UNC13C: variants seen among roughly 807,000 people sequenced by gnomAD.
UNC13C encodes the protein unc-13 homolog C, also known as protein unc-13 homolog C.
Under a neutral mutation model 245.4 loss-of-function variants are expected in UNC13C, and 174 were observed. That is an observed-to-expected ratio of 0.71 (90% CI 0.63 to 0.80). The LOEUF (loss-of-function observed/expected upper bound fraction) is 0.80. Among genes scored for constraint, UNC13C ranks in the 30% least tolerant of loss-of-function variants. The pLI is 0.00. For missense variants in UNC13C, 2,829 were observed against 2,602.9 expected (o/e 1.09, Z -1.89); for synonymous variants, 992 against 895.1 (o/e 1.11, Z -1.93).
the UNC13C span, among the ~76,000 whole-genome samples, chr15:53,847,711 C>T: frequency 1.3e-5 from 2 of 151,826 alleles, no homozygotes; most frequent in Non-Finnish European, 2.9e-5. Flanking sequence ...GAGGATATGG[C>T]CTTTAGATAT....
At chr15:54,239,660 C>T (rs1244853952) in intron 7 of UNC13C, among the ~76,000 whole-genome samples, 1 of 152,116 alleles carries the variant, frequency 6.6e-6, no homozygotes, top group African/African-American at 2.4e-5. Context: ...CTCTGTTGCC[C>T]AGGCTGGTCT....
At chr15:54,198,548 A>C (rs2141340761) in intron 4 of UNC13C, among the ~76,000 whole-genome samples, 1 of 152,118 alleles carries the variant, frequency 6.6e-6, no homozygotes, top group Admixed American at 6.5e-5. Flanking sequence ...CTTTGCTGAC[A>C]CTCCCCAGTA....
chr15:54,014,388 T>C lies in UNC13C; in HGVS notation c.1485T>C (p.Thr495=), dbSNP rs775566020. The C allele has an allele frequency of 1.2e-6, 2 of 1,613,754 alleles. No homozygotes were observed. Among genetic ancestry groups the C allele is most frequent in the East Asian group, 4.5e-5 (2 of 44,884 alleles). Residue 495 remains threonine (T), a synonymous_variant, in exon 2 of 33, where the codon ACT becomes ACC. Coordinates refer to ENST00000260323, the MANE Select transcript of UNC13C (RefSeq NM_001080534.3). ...ACAGTGCTAGATCCAAGAATAAAAC[T>C]GCTAATAGCAGCAGAATTTCAAATA... The part of the protein sequence containing the change: ...KSHSARSKNK[T]ANSSRISNKS...
rs28703714 is a variant in UNC13C at position 54,107,125 on chromosome 15, C to T, written c.2984-35893C>T. Among the ~76,000 whole-genome samples, 1,181 of 152,206 alleles carry T rather than the reference C, an allele frequency of 7.8e-3. 13 individuals are homozygous for T. The highest frequency in any genetic ancestry group is 0.027 in the African/African-American group (1,133 of 41,526). On this transcript the variant is annotated intron_variant, in intron 2 of 32. Coordinates refer to ENST00000260323, the MANE Select transcript of UNC13C (RefSeq NM_001080534.3). ...GTTAGAAAATACATTATTACAACTC[C>T]TTAAAAGAAAATTGCGACTAATATT...
Position 54,627,017 on chromosome 15 carries a change from T to C in UNC13C, c.6549T>C (p.Thr2183=), listed in dbSNP as rs766458752. The change falls in exon 33 of 33, where the codon ACT becomes ACC. Residue 2183 remains threonine (T), a synonymous_variant. Coordinates refer to ENST00000260323, the MANE Select transcript of UNC13C (RefSeq NM_001080534.3). ...KNISMDETGL[T]ILRILSQRTS... is the part of the protein sequence containing the mutation. ...TCTCTATGGATGAAACTGGTTTGAC[T>C]ATCCTTAGAATACTCTCTCAGAGGA... 6.2e-7 allele frequency: 1 copy of C among 1,613,428 alleles called. No homozygotes were observed. The highest frequency in any genetic ancestry group is 1.1e-5 in the South Asian group (1 of 91,070).
At chr15:54,250,097 A>G (rs1318885367) in intron 7 of UNC13C, 128 bp from the exon 8 acceptor site, 1 of 825,368 alleles carries the variant, frequency 1.2e-6, no homozygotes, top group African/African-American at 1.7e-5. Context: ...CATGACTTGA[A>G]TCAGTGATCC....
intron 4 of UNC13C, among the ~76,000 whole-genome samples, chr15:54,233,140 C>T (rs2035596923): frequency 6.6e-6 from 1 of 152,154 alleles, no homozygotes; most frequent in Non-Finnish European, 1.5e-5. Flanking sequence ...CATTCTCAAA[C>T]TTTGACTCAC....
rs74922389 is a variant in UNC13C at position 54,095,319 on chromosome 15, C to G, written c.2984-47699C>G. ...AAAGGATCTCCTATTTCCCATAGATCGGGTTGTAGTGGGGTAAGCAGGACC... is the reference window on the plus strand; with the variant it reads ...AAAGGATCTCCTATTTCCCATAGATGGGGTTGTAGTGGGGTAAGCAGGACC... On this transcript the variant is annotated intron_variant, in intron 2 of 32. Transcript: ENST00000260323. Among the ~76,000 whole-genome samples, 1,452 of 152,224 alleles carry G rather than the reference C, an allele frequency of 9.5e-3. 21 individuals carry two copies. Among genetic ancestry groups the G allele is most frequent in the African/African-American group, 0.034 (1,400 of 41,538 alleles).
rs1050316539 is a variant in UNC13C, at chr15:54,511,775, T to G, written c.5402T>G (p.Ile1801Ser). 5.0e-6 allele frequency: 8 copies of G among 1,609,612 alleles called. No homozygotes were observed. Among genetic ancestry groups the G allele is most frequent in the Non-Finnish European group, 6.8e-6 (8 of 1,177,894 alleles). ...AAGCCCTGTATCTTGATGAACAATA[T>G]TCAACAATTGCGGGTCCAGCTGGAA... ...ENVPCILMNN[I>S]QQLRVQLEKM... The change falls in exon 24 of 33, where the codon ATT (isoleucine) becomes AGT (serine). Residue 1801 changes from isoleucine to serine, a missense_variant. Ile to Ser is a moderately radical substitution (Grantham distance 142). Transcript: ENST00000260323.
intron 30 of UNC13C, among the ~76,000 whole-genome samples, chr15:54,570,382 G>T (rs1003143302): frequency 6.6e-6 from 1 of 152,086 alleles, no homozygotes; most frequent in African/African-American, 2.4e-5. Flanking sequence ...ATTGTTGGTG[G>T]TAATGGAGAC....
At chr15:54,246,719 T>C (rs1376725567) in intron 7 of UNC13C, among the ~76,000 whole-genome samples, 1 of 132,368 alleles carries the variant, frequency 7.6e-6, no homozygotes, top group Non-Finnish European at 1.5e-5. Flanking sequence ...CATGGACACC[T>C]AGAGGGGAAC....
chr15:54,594,235 G>A (rs1898946723), intron 30 of UNC13C, among the ~76,000 whole-genome samples: 2 of 152,152 alleles, frequency 1.3e-5, no homozygotes, highest in South Asian at 4.1e-4. Flanking sequence ...GGTGCCAGAG[G>A]GTGCAGTGGA....
intron 30 of UNC13C, among the ~76,000 whole-genome samples, chr15:54,606,433 T>C (rs9284299): frequency 0.71 from 107,828 of 152,132 alleles, 38,199 homozygotes; most frequent in South Asian, 0.76. Flanking sequence ...TATAAATCAT[T>C]TGTGGGTTTC....
chr15:53,884,695 T>C, the UNC13C span, among the ~76,000 whole-genome samples: 1 of 152,022 alleles, frequency 6.6e-6, no homozygotes, highest in Non-Finnish European at 1.5e-5. Context: ...ATATATTGAG[T>C]GAGTGGGATT....
intron 2 of UNC13C, among the ~76,000 whole-genome samples, chr15:54,059,511 A>G (rs1365297663): frequency 6.6e-6 from 1 of 152,228 alleles, no homozygotes; most frequent in Non-Finnish European, 1.5e-5. Flanking sequence ...GGTAGGAAGA[A>G]TCAATATCGT....
chr15:54,136,342 A>G (rs2031731505), intron 2 of UNC13C, among the ~76,000 whole-genome samples: 2 of 151,886 alleles, frequency 1.3e-5, no homozygotes, highest in African/African-American at 2.4e-5. Context: ...TGGTTTTGCC[A>G]TGTTGCCCAC....
At chr15:54,449,688 C>G (rs1167142119) in intron 19 of UNC13C, among the ~76,000 whole-genome samples, 2 of 152,148 alleles carry the variant, frequency 1.3e-5, no homozygotes, top group African/African-American at 4.8e-5. Context: ...AATCATTTTT[C>G]AAGGTTTTTA....
Position 54,139,666 on chromosome 15 carries a change from A to C in UNC13C, c.2984-3352A>C, listed in dbSNP as rs1319969511. Among the ~76,000 whole-genome samples the C allele has an allele frequency of 2.0e-5, 3 of 151,682 alleles. No individual in the cohort carries two copies. The East Asian group carries it at 5.8e-4, about 29-fold the overall frequency. On this transcript the variant is annotated intron_variant, in intron 2 of 32. Coordinates refer to ENST00000260323, the MANE Select transcript of UNC13C (RefSeq NM_001080534.3). The stretch of plus-strand genomic sequence containing the variant: ...TATCTTTAATCTTCATTAATTTTGT[A>C]CTCTTTAGTTGTAGTTTTAGTAAAA...
chr15:53,838,060 A>T, the UNC13C span, among the ~76,000 whole-genome samples: 2 of 152,106 alleles, frequency 1.3e-5, no homozygotes, highest in Admixed American at 1.3e-4. Context: ...TAAAAATATA[A>T]TTTTTGCTAA....
Sources: gnomAD v4.1 joint callset for allele counts (sites outside exome capture counted in the v4.1 genomes callset) on GRCh38, gnomAD v4.1.1 for gene constraint, MANE v1.5 for transcripts, NCBI Gene and HGNC (gene_info 2026-07-23, HGNC 2026-07-21) for gene names.